Variants in MVB12B observed in about 807,000 individuals in gnomAD.
The protein encoded by MVB12B is ESCRT-I complex subunit MVB12B.
In MVB12B, 16 loss-of-function variants were observed where a neutral mutation model predicts 41.6. That is an observed-to-expected ratio of 0.38 (90% CI 0.26 to 0.58). The LOEUF is 0.58. Among genes scored for constraint, MVB12B ranks in the 20% least tolerant of loss-of-function variants. MVB12B has a pLI of 0.62. For missense variants in MVB12B, 274 were observed against 380.2 expected, an observed-to-expected ratio of 0.72 and a Z score of 2.32; for synonymous variants, 133 against 139.7, an observed-to-expected ratio of 0.95 and a Z score of 0.34.
At chr9:126,501,093 A>C (rs2119242670) in intron 9 of MVB12B, among the ~76,000 whole-genome samples, 1 of 152,278 alleles carries the variant, frequency 6.6e-6, no homozygotes, top group African/African-American at 2.4e-5. Context: ...ACTTTGGCGC[A>C]GCTCCCCCTC....
At chr9:126,339,587 C>G (rs759992782) in intron 1 of MVB12B, among the ~76,000 whole-genome samples, 24 of 152,144 alleles carry the variant, frequency 1.6e-4, no homozygotes, top group Non-Finnish European at 3.4e-4. Flanking sequence ...ATTCCATTTT[C>G]CCTCCCTTTC....
In MVB12B at chr9:126,421,820, G is replaced by A. The variant is rs762002249; in HGVS notation, c.663-34G>A. 5 of 1,530,586 alleles carry A rather than the reference G, an allele frequency of 3.3e-6. No individual in the cohort carries two copies. The South Asian group carries it at 4.5e-5, about 14-fold the overall frequency. The allele number at this position is 1,530,586 out of a possible 1,614,324, so 94.8% of individuals were successfully genotyped here. ...TCCTGAGTCTTGGGGAATGCTCCTT[G>A]TAATCTCCTTTCTCTCGTCCTTCTC... is the stretch of plus-strand genomic sequence containing the variant. On this transcript the variant is annotated intron_variant, in intron 6 of 9. Transcript: ENST00000361171.
intron 3 of MVB12B, among the ~76,000 whole-genome samples, chr9:126,382,977 C>A (rs1211771461): frequency 6.6e-6 from 1 of 152,146 alleles, no homozygotes; most frequent in Non-Finnish European, 1.5e-5. Flanking sequence ...GTGTGAAAAG[C>A]CTCTGCCTCA....
intron 9 of MVB12B, among the ~76,000 whole-genome samples, chr9:126,501,458 G>A (rs952264690): frequency 3.3e-5 from 5 of 152,206 alleles, no homozygotes; most frequent in African/African-American, 1.2e-4. Context: ...CGGTTTGGGG[G>A]CCACATGTCT....
intron 7 of MVB12B, among the ~76,000 whole-genome samples, chr9:126,452,066 G>T (rs963890485): frequency 1.3e-5 from 2 of 152,228 alleles, no homozygotes; most frequent in Non-Finnish European, 2.9e-5. Context: ...GTGCATGTCG[G>T]AGGCAGGGGA....
In MVB12B at chr9:126,335,439, G is replaced by A. The variant is rs779325458; in HGVS notation, c.82-5069G>A. On this transcript the variant is annotated intron_variant, in intron 1 of 9. Coordinates refer to ENST00000361171, the MANE Select transcript of MVB12B (RefSeq NM_033446.3). The stretch of plus-strand genomic sequence containing the variant: ...CTCTGCAACTTTCTGTAAGGAGGTG[G>A]CTGGGTTTGTGTGTGTGGTGTGCAT... The A allele has an allele frequency of 3.1e-6, 4 of 1,299,494 alleles. No individual in the cohort carries two copies. The South Asian group carries it at 4.9e-5, about 16-fold the overall frequency. 80.5% of individuals were successfully genotyped at this position (1,299,494 alleles called of 1,614,324 possible). A position where few individuals can be genotyped will look rare whatever the true frequency, so the allele number is the denominator to read the frequency against.
chr9:126,412,564 G>A (rs916973294), intron 6 of MVB12B, among the ~76,000 whole-genome samples: 3 of 152,192 alleles, frequency 2.0e-5, no homozygotes, highest in African/African-American at 7.2e-5. Context: ...ACATTGAGAA[G>A]TGTTCCCCTA....
intron 9 of MVB12B, among the ~76,000 whole-genome samples, chr9:126,497,539 C>T (rs1271635594): frequency 1.3e-5 from 2 of 152,144 alleles, no homozygotes; most frequent in South Asian, 4.1e-4. Flanking sequence ...CTCGGCTCCC[C>T]ACTCCTGACC....
chr9:126,462,082 G>C (rs1353744782), intron 7 of MVB12B, among the ~76,000 whole-genome samples: 6 of 152,218 alleles, frequency 3.9e-5, no homozygotes, highest in Non-Finnish European at 8.8e-5. Context: ...CTGCTGTTCT[G>C]TGTTCACCAG....
intron 7 of MVB12B, among the ~76,000 whole-genome samples, chr9:126,425,895 T>G (rs1017351150): frequency 6.6e-6 from 1 of 152,192 alleles, no homozygotes; most frequent in Non-Finnish European, 1.5e-5. Context: ...TGGGTTAGGG[T>G]CAGCAAACTA....
intron 9 of MVB12B, among the ~76,000 whole-genome samples, chr9:126,493,782 A>G (rs1287894141): frequency 3.3e-5 from 5 of 152,148 alleles, no homozygotes; most frequent in Admixed American, 1.3e-4. Flanking sequence ...ATTTTCTGCC[A>G]CTTATATGTA....
chr9:126,411,939 G>A (rs752935262), intron 6 of MVB12B, among the ~76,000 whole-genome samples: 1 of 152,212 alleles, frequency 6.6e-6, no homozygotes, highest in Non-Finnish European at 1.5e-5. Flanking sequence ...AGTCATTGAG[G>A]AGGATTCGAG....
intron 9 of MVB12B, among the ~76,000 whole-genome samples, chr9:126,500,896 T>C (rs1270264862): frequency 6.6e-6 from 1 of 152,260 alleles, no homozygotes; most frequent in African/African-American, 2.4e-5. Flanking sequence ...GCCCCGTGCA[T>C]GTGCCCTCGG....
Position 126,397,122 on chromosome 9 carries a change from C to T in MVB12B, c.662+1425C>T, listed in dbSNP as rs898902537. ...CTTGGAGCAGCTCAAGTGTGGGCTC[C>T]TTGCAGAGGCTGGAAAGCCCCCACA... On this transcript the variant is annotated intron_variant, in intron 6 of 9. Transcript: ENST00000361171. 6.1e-6 allele frequency: 6 copies of T among 985,548 alleles called. No individual in the cohort carries two copies. The African/African-American group carries it at 7.0e-5, about 11-fold the overall frequency. 61.1% of individuals were successfully genotyped at this position (985,548 alleles called of 1,614,324 possible). A position where few individuals can be genotyped will look rare whatever the true frequency, so the allele number is the denominator to read the frequency against.
intron 2 of MVB12B, among the ~76,000 whole-genome samples, chr9:126,350,080 A>G (rs1829706620): frequency 1.3e-5 from 2 of 152,156 alleles, no homozygotes; most frequent in Non-Finnish European, 1.5e-5. Flanking sequence ...GTATTTCCCT[A>G]GTGGTTAATG....
In MVB12B at chr9:126,486,187, C is replaced by CT. The variant is rs547640927; in HGVS notation, c.873+2162dup. Among the ~76,000 whole-genome samples the CT allele has an allele frequency of 1.5e-4, 22 of 150,884 alleles. No individual in the cohort carries two copies. Among genetic ancestry groups the CT allele is most frequent in the African/African-American group, 5.4e-4 (22 of 41,072 alleles). ...GATTGTCATATATAGATTTTTTTTTCTTTTTTTGATAACTCAGGGAAAAAA... is the reference window on the plus strand; with the variant it reads ...GATTGTCATATATAGATTTTTTTTTCTTTTTTTTGATAACTCAGGGAAAAAA... On this transcript the variant is annotated intron_variant, in intron 9 of 9. Transcript: ENST00000361171. The surrounding 1 kb of genome is among the most constrained non-coding windows in gnomAD (Gnocchi z 4.7).
At chr9:126,336,872 C>A (rs1266698206) in intron 1 of MVB12B, among the ~76,000 whole-genome samples, 1 of 152,178 alleles carries the variant, frequency 6.6e-6, no homozygotes, top group Admixed American at 6.5e-5. Flanking sequence ...AATTATCTCA[C>A]AGAGGCTGTA....
intron 2 of MVB12B, among the ~76,000 whole-genome samples, chr9:126,345,658 A>G (rs1178291213): frequency 2.0e-5 from 3 of 148,946 alleles, no homozygotes; most frequent in Non-Finnish European, 4.5e-5. Context: ...ATTTGGCTTC[A>G]TGATTTCAGT....
intron 6 of MVB12B, among the ~76,000 whole-genome samples, chr9:126,408,826 A>G (rs1382809973): frequency 6.6e-6 from 1 of 152,226 alleles, no homozygotes. Context: ...GCGTACATTA[A>G]GGAACGTAAT....
Sources: gnomAD v4.1 joint callset for allele counts (sites outside exome capture counted in the v4.1 genomes callset) on GRCh38, gnomAD v4.1.1 for gene constraint, Gnocchi (gnomAD v3.1) non-coding constraint, MANE v1.5 for transcripts, NCBI Gene and HGNC (gene_info 2026-07-23, HGNC 2026-07-21) for gene names.